Variants in SF1 observed in about 807,000 individuals in gnomAD.
SF1 encodes branch point-binding protein.
Under a neutral mutation model 62.5 loss-of-function variants are expected in SF1, and 7 were observed. The observed-to-expected ratio is 0.11, with a 90% CI of 0.06 to 0.21. The LOEUF (loss-of-function observed/expected upper bound fraction) is 0.21. Ranked by LOEUF, SF1 falls within the 10% of genes least tolerant of loss-of-function variation. The pLI is 1.00. For missense variants in SF1, 578 were observed against 884.0 expected (o/e 0.65, Z 4.39); for synonymous variants, 394 against 323.6 (o/e 1.22, Z -2.33).
chr11:64,771,645 A>G (rs569109041), intron 3 of SF1: 3 of 985,418 alleles, frequency 3.0e-6, no homozygotes, highest in South Asian at 9.4e-5. Context: ...GCATTTGTAT[A>G]AACTGTTAGC....
In SF1 at chr11:64,765,386, A is replaced by T. The variant is rs1391003936; in HGVS notation, c.*432T>A. ...GTGTTCCGATTCCGTCCACAAAAATAACTCAGGCTGCTTTGCCGAACCATC... is the reference window on the plus strand; with the variant it reads ...GTGTTCCGATTCCGTCCACAAAAATTACTCAGGCTGCTTTGCCGAACCATC... On this transcript the variant is annotated 3_prime_UTR_variant, in exon 13 of 13. Coordinates refer to ENST00000377390, the MANE Select transcript of SF1 (RefSeq NM_004630.4). 1.7e-6 allele frequency: 2 copies of T among 1,149,560 alleles called. No individual in the cohort carries two copies. The highest frequency in any genetic ancestry group is 2.6e-6 in the Non-Finnish European group (2 of 769,348). 71.2% of individuals were successfully genotyped at this position (1,149,560 alleles called of 1,614,324 possible). A position where few individuals can be genotyped will look rare whatever the true frequency, so the allele number is the denominator to read the frequency against.
At position 64,778,350 on chromosome 11, in the gene SF1, G is replaced by T. The variant is rs1000209348; in HGVS notation, c.31+12C>A. 10 of 1,226,780 alleles carry T rather than the reference G, an allele frequency of 8.2e-6. No individual in the cohort carries two copies. Among genetic ancestry groups the T allele is most frequent in the Admixed American group, 4.3e-5 (1 of 23,410 alleles). The allele number at this position is 1,226,780 out of a possible 1,614,324, so 76.0% of individuals were successfully genotyped here. On this transcript the variant is annotated intron_variant, in intron 1 of 12. Transcript: ENST00000377390. ...CCGGGGAGCGGGGGCAGCCCGGGGG[G>T]GCCCAGCTTACCCAACGGCGTGGCG...
At chr11:64,768,361 C>G in intron 8 of SF1, 75 bp from the exon 9 acceptor site, 1 of 1,397,706 alleles carries the variant, frequency 7.2e-7, no homozygotes, top group Middle Eastern at 1.8e-4. Flanking sequence ...CCTGAGGAAC[C>G]AACATATGGA....
Position 64,767,020 on chromosome 11 carries a change from G to A in SF1, c.1462C>T (p.Gln488Ter). Residue 488 changes from glutamine to a stop codon, truncating the protein, a stop_gained, in exon 12 of 13, where the codon CAG becomes TAG. Coordinates refer to ENST00000377390, the MANE Select transcript of SF1 (RefSeq NM_004630.4). LOFTEE classifies it high-confidence loss of function. ...GGACCAGAGGGAGGGGGTGGGGGCT[G>A]CCCACTGGGAGGCGGCGGCGGCGGC... ...MPPPPPPPSG[Q>*]PPPPPSGPLP... 3.2e-6 allele frequency: 5 copies of A among 1,547,364 alleles called. No homozygotes were observed. The highest frequency in any genetic ancestry group is 4.4e-6 in the Non-Finnish European group (5 of 1,145,630).
chr11:64,765,967 CAGGCGGTGG>C lies in SF1; in HGVS notation c.1762_1770del (p.Pro588_Pro590del), dbSNP rs1420653366. On this transcript the variant is annotated inframe_deletion, in exon 13 of 13. Transcript: ENST00000377390. ...GGGGCATACATCATGCCGGCGGAACCAGGCGGTGGAGGCGGCGGAGGGGGAGGGGCCCCA... is the reference window on the plus strand; with the variant it reads ...GGGGCATACATCATGCCGGCGGAACCAGGCGGCGGAGGGGGAGGGGCCCCA... 1.9e-6 allele frequency: 3 copies of C among 1,582,608 alleles called. No individual in the cohort carries two copies. The highest frequency in any genetic ancestry group is 1.7e-6 in the Non-Finnish European group (2 of 1,166,864).
chr11:64,766,030 G>C lies in SF1; in HGVS notation c.1708C>G (p.Pro570Ala). 6.2e-7 allele frequency: 1 copy of C among 1,609,482 alleles called. No individual in the cohort carries two copies. Among genetic ancestry groups the C allele is most frequent in the Non-Finnish European group, 8.5e-7 (1 of 1,178,454 alleles). The change falls in exon 13 of 13, where the codon CCC (proline) becomes GCC (alanine). Residue 570 changes from proline to alanine, a missense_variant. Transcript: ENST00000377390. ...MQGNPTMVPL[P>A]PGVQPPLPPG... ...GGCAGAGGCGGCTGGACCCCGGGGG[G>C]CAGGGGCACCATAGTGGGGTTGCCT... is the stretch of plus-strand genomic sequence containing the variant.
chr11:64,776,730 C>G (rs1421152908), intron 1 of SF1, 104 bp from the exon 2 acceptor site: 4 of 1,122,960 alleles, frequency 3.6e-6, no homozygotes, highest in Non-Finnish European at 5.1e-6. Context: ...GACTGTGAAG[C>G]TGAGAGCTTA....
chr11:64,778,333 C>T lies in SF1; in HGVS notation c.31+29G>A, dbSNP rs1459786125. The stretch of plus-strand genomic sequence containing the variant: ...CGAAGCCTCCTTTGGGCCCGGGGAG[C>T]GGGGGCAGCCCGGGGGGGCCCAGCT... On this transcript the variant is annotated intron_variant, in intron 1 of 12. Coordinates refer to ENST00000377390, the MANE Select transcript of SF1 (RefSeq NM_004630.4). The T allele has an allele frequency of 7.3e-6, 9 of 1,224,584 alleles. No homozygotes were observed. In the South Asian group the frequency reaches 3.3e-4, roughly 44 times the overall value. 75.9% of individuals were successfully genotyped at this position (1,224,584 alleles called of 1,614,324 possible).
intron 3 of SF1, chr11:64,772,595 A>C (rs1273772362): frequency 1.0e-6 from 1 of 985,010 alleles, no homozygotes; most frequent in Admixed American, 6.1e-5. Context: ...CTTTTCAACT[A>C]TTCTGTATGT....
In SF1 at chr11:64,765,351, T is replaced by C. The variant is rs778930729; in HGVS notation, c.*467A>G. ...AAAAATTAATAAAAATTTCACGATA[T>C]GGAGCCAGCGTGTTCCGATTCCGTC... On this transcript the variant is annotated 3_prime_UTR_variant, in exon 13 of 13. Transcript: ENST00000377390. 7 of 776,104 alleles carry C rather than the reference T, an allele frequency of 9.0e-6. No individual in the cohort carries two copies. The highest frequency in any genetic ancestry group is 1.6e-5 in the South Asian group (1 of 63,298). 48.1% of individuals were successfully genotyped at this position (776,104 alleles called of 1,614,324 possible).
intron 3 of SF1, 151 bp downstream of exon 3, chr11:64,773,279 T>A: frequency 7.6e-6 from 11 of 1,455,002 alleles, no homozygotes; most frequent in Non-Finnish European, 9.9e-6. Context: ...TGACCATACA[T>A]ATTTCTAATT....
chr11:64,768,981 C>T (rs367926444), intron 8 of SF1, 41 bp downstream of exon 8: 20 of 1,354,852 alleles, frequency 1.5e-5, no homozygotes, highest in Non-Finnish European at 2.1e-5. Flanking sequence ...TTGTCCTGCA[C>T]ATCGCAGGCT....
chr11:64,772,158 G>C (rs899800565), intron 3 of SF1: 3 of 985,006 alleles, frequency 3.0e-6, no homozygotes, highest in Non-Finnish European at 3.6e-6. Flanking sequence ...AACAGGCATC[G>C]GCTAGATCAA....
rs1293857518 is a variant in SF1 at position 64,767,236 on chromosome 11, C to T, written c.1358G>A (p.Ser453Asn). The change falls in exon 11 of 13, where the codon AGT (serine) becomes AAT (asparagine). Residue 453 changes from serine (S) to asparagine (N), a missense_variant. Coordinates refer to ENST00000377390, the MANE Select transcript of SF1 (RefSeq NM_004630.4). ...ATAGACCCCAGAGCCCACAGGCGTA[C>T]TTCCCAGGTACTGATCTTGATGGAA... ...GPPPMDQYLG[S>N]TPVGSGVYRL... 6.2e-7 allele frequency: 1 copy of T among 1,614,126 alleles called. No individual in the cohort carries two copies. The highest frequency in any genetic ancestry group is 8.5e-7 in the Non-Finnish European group (1 of 1,179,970).
rs372358136 is a variant in SF1, at chr11:64,766,149, G to A, written c.1589C>T (p.Thr530Met). ...TGTGCCAGCGCTCGTGGTGGTAGTCGTCGTATCTGGGGTGGTAAAGAAGCC... is the reference window on the plus strand; with the variant it reads ...TGTGCCAGCGCTCGTGGTGGTAGTCATCGTATCTGGGGTGGTAAAGAAGCC... ...STPLPWQQNTTTTTTSAGTGS... is the reference protein window; with the variant it reads ...STPLPWQQNTMTTTTSAGTGS... The change falls in exon 13 of 13, where the codon ACG becomes ATG. Residue 530 changes from threonine (T) to methionine (M), a missense_variant. By Grantham distance (81) the Thr-to-Met change is moderately conservative (BLOSUM62 -1). Coordinates refer to ENST00000377390, the MANE Select transcript of SF1 (RefSeq NM_004630.4). 3 of 1,604,776 alleles carry A rather than the reference G, an allele frequency of 1.9e-6. No individual in the cohort carries two copies. Among genetic ancestry groups the A allele is most frequent in the Admixed American group, 1.7e-5 (1 of 59,970 alleles).
intron 12 of SF1, 37 bp from the exon 13 acceptor site, chr11:64,766,192 G>T (rs963180763): frequency 6.4e-7 from 1 of 1,565,692 alleles, no homozygotes; most frequent in Non-Finnish European, 8.7e-7. Context: ...ACACGCGCGG[G>T]GGCACACCGC....
chr11:64,774,961 C>CA (rs201621861), intron 2 of SF1, among the ~76,000 whole-genome samples: 3,721 of 98,888 alleles, frequency 0.038, 141 homozygotes, highest in African/African-American at 0.11. Flanking sequence ...CTCAGTCTCT[C>CA]AAAAAAAAAA....
intron 1 of SF1, 174 bp downstream of exon 1, chr11:64,778,188 G>T: frequency 9.9e-7 from 1 of 1,011,942 alleles, no homozygotes; most frequent in Non-Finnish European, 1.2e-6. Context: ...GGCGGCGGAG[G>T]CAGCGCCGCG....
In SF1 at chr11:64,778,484, T is replaced by C; in HGVS notation, c.-92A>G. 4.3e-6 allele frequency: 5 copies of C among 1,154,120 alleles called. No homozygotes were observed. Among genetic ancestry groups the C allele is most frequent in the Non-Finnish European group, 5.3e-6 (5 of 939,674 alleles). The allele number at this position is 1,154,120 out of a possible 1,614,324, so 71.5% of individuals were successfully genotyped here. A position where few individuals can be genotyped will look rare whatever the true frequency, so the allele number is the denominator to read the frequency against. On this transcript the variant is annotated 5_prime_UTR_variant, in exon 1 of 13. Transcript: ENST00000377390. ...CCGGGGGGAGGGGACCCGAATGCGCTGCCGGAGCGCGCGGAGCCCGTCCTC... is the reference window on the plus strand; with the variant it reads ...CCGGGGGGAGGGGACCCGAATGCGCCGCCGGAGCGCGCGGAGCCCGTCCTC...
Sources: allele counts gnomAD v4.1 joint callset (sites outside exome capture counted in the v4.1 genomes callset), GRCh38; gene constraint gnomAD v4.1.1; transcripts MANE v1.5; gene names NCBI Gene and HGNC (gene_info 2026-07-23, HGNC 2026-07-21).